CFLAR: variants seen among roughly 807,000 people sequenced by gnomAD.
CFLAR encodes the protein CASP8 and FADD like apoptosis regulator.
A neutral mutation model predicts 51.1 loss-of-function variants in CFLAR; 14 were observed. The ratio of observed to expected loss-of-function variants is 0.27; its 90% confidence interval spans 0.18 to 0.43. CFLAR has a LOEUF of 0.43. Ranked by LOEUF, CFLAR falls within the 20% of genes least tolerant of loss-of-function variation. CFLAR has a pLI of 1.00. For synonymous variants in CFLAR, 210 were observed against 211.6 expected (o/e 0.99, Z 0.06); for missense variants, 390 against 566.5 (o/e 0.69, Z 3.16).
intron 8 of CFLAR, among the ~76,000 whole-genome samples, chr2:201,155,686 C>T (rs1443198083): frequency 6.6e-6 from 1 of 151,854 alleles, no homozygotes; most frequent in East Asian, 1.9e-4. Context: ...CACAGGGGTA[C>T]AATCATGGCT....
chr2:201,131,753 A>G (rs1331059309), intron 2 of CFLAR, among the ~76,000 whole-genome samples: 3 of 152,030 alleles, frequency 2.0e-5, no homozygotes, highest in Admixed American at 6.6e-5. Context: ...TCCAGGCTGG[A>G]GTGCAGTGGC....
chr2:201,173,668 C>CATTATTTTATTTTATTTTATTTTAT lies in CFLAR; in HGVS notation c.*9695_*9696insATTATTTTATTTTATTTTATTTTAT, dbSNP rs1944117675. The CATTATTTTATTTTATTTTATTTTAT allele has an allele frequency of 2.2e-5, 3 of 137,070 alleles. No homozygotes were observed. The highest frequency in any genetic ancestry group is 7.2e-5 in the African/African-American group (2 of 27,766). The allele number at this position is 137,070 out of a possible 1,614,324, so 8.5% of individuals were successfully genotyped here. A position where few individuals can be genotyped will look rare whatever the true frequency, so the allele number is the denominator to read the frequency against. ...CAAGTCCTTTCTCATTTTAAAACTGCGTTATTTTATTTTATTTTTCTGAGA... is the reference window on the plus strand; with the variant it reads ...CAAGTCCTTTCTCATTTTAAAACTGCATTATTTTATTTTATTTTATTTTATGTTATTTTATTTTATTTTTCTGAGA... On this transcript the variant is annotated 3_prime_UTR_variant, in exon 10 of 10. Transcript: ENST00000309955.
intron 8 of CFLAR, among the ~76,000 whole-genome samples, chr2:201,158,653 C>T (rs1942570712): frequency 2.0e-5 from 3 of 152,120 alleles, no homozygotes; most frequent in Admixed American, 2.0e-4. Flanking sequence ...GGTATCGAAA[C>T]AAGCCTGCAC....
At chr2:201,125,773 AACC>A (rs2048623727) in intron 1 of CFLAR, among the ~76,000 whole-genome samples, 1 of 152,060 alleles carries the variant, frequency 6.6e-6, no homozygotes, top group Non-Finnish European at 1.5e-5. Flanking sequence ...CAGCTCAGGA[AACC>A]ACCAGGGTGT....
In CFLAR at chr2:201,169,046, T is replaced by G. The variant is rs573914624; in HGVS notation, c.*5073T>G. 1 of 152,314 alleles carries G rather than the reference T, an allele frequency of 6.6e-6. No homozygotes were observed. Among genetic ancestry groups the G allele is most frequent in the South Asian group, 2.1e-4 (1 of 4,824 alleles). The allele number at this position is 152,314 out of a possible 1,614,324, so 9.4% of individuals were successfully genotyped here. The stretch of plus-strand genomic sequence containing the variant: ...AATGGCCATACTACCCAAAGTAATT[T>G]ATAGGTTCATTGCTATTCCCATTAA... On this transcript the variant is annotated 3_prime_UTR_variant, in exon 10 of 10. Transcript: ENST00000309955.
In CFLAR at chr2:201,138,818, G is replaced by C. The variant is rs749885039; in HGVS notation, c.524-1539G>C. On this transcript the variant is annotated intron_variant, in intron 4 of 9. Coordinates refer to ENST00000309955, the MANE Select transcript of CFLAR (RefSeq NM_003879.7). This position sits in a 1 kb window ranked among gnomAD's most constrained non-coding sequence, Gnocchi z 4.0. ...CAGTACCTCCCATCAGAGCCATCAC[G>C]ATGGCCAGGTCGGCCTCTGTCACAG... The C allele has an allele frequency of 4.0e-6, 3 of 751,240 alleles. No individual in the cohort carries two copies. The African/African-American group carries it at 5.1e-5, about 13-fold the overall frequency. The allele number at this position is 751,240 out of a possible 1,614,324, so 46.5% of individuals were successfully genotyped here.
chr2:201,175,149 C>T lies in CFLAR; in HGVS notation c.*11176C>T, dbSNP rs941082997. 3.9e-5 allele frequency: 6 copies of T among 152,180 alleles called. No individual in the cohort carries two copies. The highest frequency in any genetic ancestry group is 3.9e-4 in the Admixed American group (6 of 15,272). 9.4% of individuals were successfully genotyped at this position (152,180 alleles called of 1,614,324 possible). On this transcript the variant is annotated 3_prime_UTR_variant, in exon 10 of 10. Coordinates refer to ENST00000309955, the MANE Select transcript of CFLAR (RefSeq NM_003879.7). The stretch of plus-strand genomic sequence containing the variant: ...GTCAAGAAGCAACCATAAATATAGC[C>T]AGTCAGCAGCCCATCAGGGCTACTC...
At chr2:201,141,419 A>G in intron 5 of CFLAR, 1 of 1,558,058 alleles carries the variant, frequency 6.4e-7, no homozygotes, top group Non-Finnish European at 8.7e-7. Context: ...AATTCTTGGA[A>G]ATTGTTCCAT....
intron 2 of CFLAR, among the ~76,000 whole-genome samples, chr2:201,132,430 A>AAAAATAT (rs34318341): frequency 6.0e-4 from 83 of 137,962 alleles, no homozygotes; most frequent in African/African-American, 2.2e-3. Flanking sequence ...GGGGGGGAAA[A>AAAAATAT]ATATATATAT....
intron 2 of CFLAR, among the ~76,000 whole-genome samples, chr2:201,130,364 T>TC (rs1468367476): frequency 1.5e-5 from 2 of 132,158 alleles, no homozygotes; most frequent in African/African-American, 2.9e-5. Context: ...TTTTTTTTTT[T>TC]TTTTTTTTTT....
At chr2:201,148,744 G>C in intron 6 of CFLAR, 1 of 404,672 alleles carries the variant, frequency 2.5e-6, no homozygotes, top group East Asian at 4.5e-5. Context: ...CTAGAACGGG[G>C]TAGGGGAGAG....
chr2:201,120,188 ATT>A (rs397871722), intron 1 of CFLAR, among the ~76,000 whole-genome samples: 6 of 130,334 alleles, frequency 4.6e-5, no homozygotes, highest in Admixed American at 7.6e-5. Context: ...ACCCAGCTAC[ATT>A]TTTTTTTTTT....
chr2:201,159,708 G>T (rs1942783833), intron 8 of CFLAR, among the ~76,000 whole-genome samples: 1 of 152,170 alleles, frequency 6.6e-6, no homozygotes, highest in Non-Finnish European at 1.5e-5. Context: ...CTTACCTGGT[G>T]AATTATTTAC....
chr2:201,141,965 T>TA (rs1355075551), intron 5 of CFLAR: 4 of 150,830 alleles, frequency 2.7e-5, no homozygotes, highest in Admixed American at 6.6e-5. Context: ...CAGAAAGCCC[T>TA]AAAAAAAAAG....
chr2:201,165,302 A>T lies in CFLAR; in HGVS notation c.*1329A>T, dbSNP rs1943431614. On this transcript the variant is annotated 3_prime_UTR_variant, in exon 10 of 10. Coordinates refer to ENST00000309955, the MANE Select transcript of CFLAR (RefSeq NM_003879.7). ...ATTATTATTATTGAGACAGAGTTTCATTCTGCTGCCCAGGCTGGAGTGCAG... is the reference window on the plus strand; with the variant it reads ...ATTATTATTATTGAGACAGAGTTTCTTTCTGCTGCCCAGGCTGGAGTGCAG... 1 of 149,486 alleles carries T rather than the reference A, an allele frequency of 6.7e-6. No homozygotes were observed. Among genetic ancestry groups the T allele is most frequent in the Admixed American group, 6.7e-5 (1 of 14,948 alleles). The allele number at this position is 149,486 out of a possible 1,614,324, so 9.3% of individuals were successfully genotyped here.
At chr2:201,133,556 T>G (rs2049607052) in intron 3 of CFLAR, among the ~76,000 whole-genome samples, 1 of 152,066 alleles carries the variant, frequency 6.6e-6, no homozygotes, top group Non-Finnish European at 1.5e-5. Flanking sequence ...TTGTGGGGTC[T>G]AGGCTGCATG....
chr2:201,174,769 AG>A lies in CFLAR; in HGVS notation c.*10799del, dbSNP rs1944143978. 6.6e-6 allele frequency: 1 copy of A among 152,180 alleles called. No homozygotes were observed. Among genetic ancestry groups the A allele is most frequent in the Admixed American group, 6.6e-5 (1 of 15,260 alleles). The allele number at this position is 152,180 out of a possible 1,614,324, so 9.4% of individuals were successfully genotyped here. On this transcript the variant is annotated 3_prime_UTR_variant, in exon 10 of 10. Transcript: ENST00000309955. ...GATTCACTTGCAAATTTATGTAAAA[AG>A]GGCCTCTGGAATTTTGATAGTGATT... is the stretch of plus-strand genomic sequence containing the variant.
In CFLAR at chr2:201,124,206, A is replaced by G. The variant is rs2048466091; in HGVS notation, c.-137-5523A>G. Among the ~76,000 whole-genome samples the G allele has an allele frequency of 6.6e-6, 1 of 152,204 alleles. No individual in the cohort carries two copies. The highest frequency in any genetic ancestry group is 6.5e-5 in the Admixed American group (1 of 15,282). On this transcript the variant is annotated intron_variant, in intron 1 of 9. Transcript: ENST00000309955. This position sits in a 1 kb window ranked among gnomAD's most constrained non-coding sequence, Gnocchi z 4.7. The stretch of plus-strand genomic sequence containing the variant: ...CTTTGTTACCAGATAGTTTGGGGGC[A>G]GCGTTGGTGTTCTGTGAGAAAGGTT...
At chr2:201,140,165 C>A (rs938377176) in intron 4 of CFLAR, 192 bp from the exon 5 acceptor site, 45 of 465,362 alleles carry the variant, frequency 9.7e-5, no homozygotes, top group Non-Finnish European at 1.4e-4. Context: ...CGGGGCGGGC[C>A]AGGGCGCCCT....
Sources: gnomAD v4.1 joint callset for allele counts (sites outside exome capture counted in the v4.1 genomes callset) on GRCh38, gnomAD v4.1.1 for gene constraint, Gnocchi (gnomAD v3.1) non-coding constraint, MANE v1.5 for transcripts, NCBI Gene and HGNC (gene_info 2026-07-23, HGNC 2026-07-21) for gene names.